Variants in CHTOP observed in about 807,000 individuals in gnomAD.
The protein encoded by CHTOP is chromatin target of PRMT1.
CHTOP carries 18 observed loss-of-function variants against 33.6 expected under a neutral mutation model. The observed-to-expected ratio is 0.54, with a 90% CI of 0.37 to 0.80. CHTOP has a LOEUF of 0.80. CHTOP is among the 30% of genes least tolerant of loss of function. The pLI, the probability that CHTOP is intolerant of heterozygous loss-of-function variation, is 0.00. For synonymous variants in CHTOP, 117 were observed against 127.7 expected (o/e 0.92, Z 0.56); for missense variants, 263 against 336.8 (o/e 0.78, Z 1.71).
intron 3 of CHTOP, among the ~76,000 whole-genome samples, chr1:153,639,044 C>T (rs1484559235): frequency 6.6e-6 from 1 of 152,136 alleles, no homozygotes; most frequent in Non-Finnish European, 1.5e-5. Context: ...CCACACCCAG[C>T]TAATTTTTTT....
Position 153,636,640 on chromosome 1 carries a change from T to C in CHTOP, c.52T>C (p.Ser18Pro), listed in dbSNP as rs1391593016. 6.2e-7 allele frequency: 1 copy of C among 1,613,510 alleles called. No individual in the cohort carries two copies. Among genetic ancestry groups the C allele is most frequent in the East Asian group, 2.2e-5 (1 of 44,854 alleles). ...TGTGCTAAAAAGCACCACCAAGATGTCTCTAAATGAGCGGTGAGGCAGCCA... is the reference window on the plus strand; with the variant it reads ...TGTGCTAAAAAGCACCACCAAGATGCCTCTAAATGAGCGGTGAGGCAGCCA... ...KVVLKSTTKM[S>P]LNERFTNMLK... Residue 18 changes from serine (S) to proline (P), a missense_variant, in exon 2 of 6, where the codon TCT becomes CCT. Around this residue, in one of 3 missense-constraint regions of CHTOP, gnomAD observed 73 missense variants for 108.9 expected, o/e 0.67. Coordinates refer to ENST00000368694, the MANE Select transcript of CHTOP (RefSeq NM_015607.4).
chr1:153,639,883 C>T (rs1012477339), intron 3 of CHTOP, among the ~76,000 whole-genome samples: 33 of 152,276 alleles, frequency 2.2e-4, no homozygotes, highest in African/African-American at 7.7e-4. Context: ...CCTCCGCCTC[C>T]CGGGTTCAAG....
intron 3 of CHTOP, among the ~76,000 whole-genome samples, chr1:153,641,224 A>G (rs767282271): frequency 6.6e-6 from 1 of 152,254 alleles, no homozygotes; most frequent in Non-Finnish European, 1.5e-5. Flanking sequence ...ACACGTTGGT[A>G]GTCACTTGTG....
At chr1:153,638,527 T>G (rs1050071328) in intron 3 of CHTOP, 79 bp downstream of exon 3, 2 of 1,528,446 alleles carry the variant, frequency 1.3e-6, no homozygotes, top group African/African-American at 2.7e-5. Flanking sequence ...CAGGACGTGA[T>G]GGATGATTGC....
intron 3 of CHTOP, among the ~76,000 whole-genome samples, chr1:153,640,872 TC>T (rs1425976357): frequency 6.6e-6 from 1 of 152,206 alleles, no homozygotes; most frequent in Non-Finnish European, 1.5e-5. Flanking sequence ...ATCCTTAACT[TC>T]CCTGTTAATA....
intron 3 of CHTOP, among the ~76,000 whole-genome samples, chr1:153,639,877 C>T (rs559005976): frequency 1.6e-3 from 247 of 152,224 alleles, no homozygotes; most frequent in African/African-American, 5.7e-3. Flanking sequence ...CTGCAGCCTC[C>T]GCCTCCCGGG....
intron 2 of CHTOP, 88 bp downstream of exon 2, chr1:153,636,741 AG>A (rs2101682874): frequency 1.8e-6 from 2 of 1,102,472 alleles, no homozygotes; most frequent in African/African-American, 3.1e-5. Flanking sequence ...GCCAATTTTA[AG>A]CTAAATACCA....
chr1:153,640,137 A>C (rs1239603529), intron 3 of CHTOP, among the ~76,000 whole-genome samples: 2 of 152,236 alleles, frequency 1.3e-5, no homozygotes, highest in Non-Finnish European at 2.9e-5. Context: ...CACTAGTCAC[A>C]TGTGGCTATT....
intron 1 of CHTOP, among the ~76,000 whole-genome samples, chr1:153,635,359 C>T (rs1370895522): frequency 6.8e-6 from 1 of 146,740 alleles, no homozygotes; most frequent in Non-Finnish European, 1.5e-5. Context: ...ACCATGTTGC[C>T]CAGGCTGGTC....
Position 153,643,264 on chromosome 1 carries a change from C to G in CHTOP, c.441C>G (p.Pro147=). Residue 147 remains proline, a synonymous_variant, in exon 5 of 6, where the codon CCC becomes CCG. Coordinates refer to ENST00000368694, the MANE Select transcript of CHTOP (RefSeq NM_015607.4). Reference sequence around the variant, plus strand: ...TCCGAGGTGGACGAGCCGTAGCTCCCCGAATGGGCTTAAGAAGAGGTGGTG... The same window carrying G: ...TCCGAGGTGGACGAGCCGTAGCTCCGCGAATGGGCTTAAGAAGAGGTGGTG... ...NLLRGGRAVA[P]RMGLRRGGVR... The G allele has an allele frequency of 6.2e-7, 1 of 1,614,140 alleles. No homozygotes were observed. Among genetic ancestry groups the G allele is most frequent in the Non-Finnish European group, 8.5e-7 (1 of 1,180,030 alleles).
At position 153,645,566 on chromosome 1, in the gene CHTOP, C is replaced by T. The variant is rs1003547172; in HGVS notation, c.*297C>T. 4.9e-6 allele frequency: 2 copies of T among 405,510 alleles called. No individual in the cohort carries two copies. The highest frequency in any genetic ancestry group is 6.3e-5 in the South Asian group (2 of 31,610). 25.1% of individuals were successfully genotyped at this position (405,510 alleles called of 1,614,324 possible). The stretch of plus-strand genomic sequence containing the variant: ...GAACACAAATGCATTAGCCTTGTGG[C>T]TAGAACACCCTCTTCCTACCTCTGT... On this transcript the variant is annotated 3_prime_UTR_variant, in exon 6 of 6. Transcript: ENST00000368694.
At chr1:153,644,749 TTAG>T (rs1668746292) in intron 5 of CHTOP, among the ~76,000 whole-genome samples, 1 of 152,244 alleles carries the variant, frequency 6.6e-6, no homozygotes, top group South Asian at 2.1e-4. Flanking sequence ...ATCTCAAATG[TTAG>T]GTAATTTTAT....
intron 3 of CHTOP, among the ~76,000 whole-genome samples, chr1:153,640,394 A>T (rs185625215): frequency 3.8e-4 from 58 of 152,102 alleles, no homozygotes; most frequent in Non-Finnish European, 6.5e-4. Flanking sequence ...TCTTGAACCC[A>T]GGAAGTGGAG....
At chr1:153,637,473 C>T (rs1241893755) in intron 2 of CHTOP, 1 of 152,154 alleles carries the variant, frequency 6.6e-6, no homozygotes, top group East Asian at 1.9e-4. Context: ...CATGGTGAAA[C>T]CCTGTCTCTA....
chr1:153,638,007 G>T (rs1668472670), intron 2 of CHTOP: 1 of 376,228 alleles, frequency 2.7e-6, no homozygotes, highest in Admixed American at 4.1e-5. Context: ...TGTCATATCT[G>T]CTTATTGCGT....
intron 1 of CHTOP, among the ~76,000 whole-genome samples, chr1:153,635,815 C>CT (rs1668363916): frequency 6.7e-6 from 1 of 149,356 alleles, no homozygotes; most frequent in Admixed American, 6.7e-5. Flanking sequence ...GAGCCAGACT[C>CT]TGTCTCAAAA....
intron 5 of CHTOP, 134 bp downstream of exon 5, chr1:153,643,498 C>A: frequency 1.0e-6 from 1 of 957,722 alleles, no homozygotes; most frequent in Non-Finnish European, 1.5e-6. Context: ...TTGAAACTGG[C>A]TTATTTTTCA....
intron 2 of CHTOP, chr1:153,637,513 T>A (rs539636708): frequency 6.6e-6 from 1 of 152,276 alleles, no homozygotes; most frequent in Admixed American, 6.5e-5. Flanking sequence ...CTGGGCGTGG[T>A]GGCGTGTGCC....
chr1:153,643,516 AT>A, intron 5 of CHTOP, 152 bp downstream of exon 5: 1 of 779,078 alleles, frequency 1.3e-6, no homozygotes, highest in East Asian at 3.0e-5. Context: ...TCAAATTACC[AT>A]GCTGGTAGTG....
Sources: gnomAD v4.1 joint callset for allele counts (sites outside exome capture counted in the v4.1 genomes callset) on GRCh38, gnomAD v4.1.1 for gene constraint, gnomAD v4.1.1 regional missense constraint, MANE v1.5 for transcripts, NCBI Gene and HGNC (gene_info 2026-07-23, HGNC 2026-07-21) for gene names.